LRP2: variants seen among roughly 807,000 people sequenced by gnomAD.
LRP2 encodes the protein low-density lipoprotein receptor-related protein 2.
In LRP2, 172 loss-of-function variants were observed where a neutral mutation model predicts 531.0. The ratio of observed to expected loss-of-function variants is 0.32; its 90% CI spans 0.29 to 0.37. The LOEUF (loss-of-function observed/expected upper bound fraction) is 0.37, where lower values mean the gene tolerates loss of function less well. Ranked by LOEUF, LRP2 falls within the 10% of genes least tolerant of loss-of-function variation. LRP2 has a pLI of 1.00. For synonymous variants in LRP2, 1,992 were observed against 2,027.6 expected (o/e 0.98, Z 0.47); for missense variants, 5,167 against 5,868.3 (o/e 0.88, Z 3.90).
intron 35 of LRP2, among the ~76,000 whole-genome samples, chr2:169,215,722 A>C (rs1463557306): frequency 1.4e-5 from 2 of 147,886 alleles, no homozygotes; most frequent in East Asian, 3.9e-4. Context: ...TATATTCTAT[A>C]TTCTATAATA....
chr2:169,312,475 T>C (rs1157214043), intron 3 of LRP2, among the ~76,000 whole-genome samples: 1 of 152,182 alleles, frequency 6.6e-6, no homozygotes, highest in Non-Finnish European at 1.5e-5. Context: ...TTAGTTTGGC[T>C]GGATATGAAA....
chr2:169,219,395 T>C (rs1688908034), intron 34 of LRP2, among the ~76,000 whole-genome samples: 1 of 152,210 alleles, frequency 6.6e-6, no homozygotes, highest in Non-Finnish European at 1.5e-5. Context: ...TGGTTTATAA[T>C]ATGGTATAGT....
In LRP2 at chr2:169,238,250, G is replaced by A; in HGVS notation, c.4347C>T (p.Asp1449=). The stretch of plus-strand genomic sequence containing the variant: ...TATTGTGGACCTGGGAGGTGACACT[G>A]TCGGCAATAATTTTGTTCTGACTTG... ...LVASQNKIIA[D]SVTSQVHNIY... The change falls in exon 27 of 79, where the codon GAC becomes GAT. Residue 1449 remains aspartate, a synonymous_variant. Transcript: ENST00000649046. The A allele has an allele frequency of 6.2e-7, 1 of 1,614,166 alleles. No individual in the cohort carries two copies. Among genetic ancestry groups the A allele is most frequent in the Non-Finnish European group, 8.5e-7 (1 of 1,180,006 alleles).
chr2:169,204,565 C>T (rs998955855), intron 41 of LRP2, among the ~76,000 whole-genome samples: 1 of 152,174 alleles, frequency 6.6e-6, no homozygotes, highest in Non-Finnish European at 1.5e-5. Context: ...ATGCATGGAA[C>T]TCAGTGTTAA....
rs753797852 is a variant in LRP2 at position 169,279,650 on chromosome 2, T to A, written c.1342-55A>T. 8 of 1,135,912 alleles carry A rather than the reference T, an allele frequency of 7.0e-6. No homozygotes were observed. In the Admixed American group the frequency reaches 9.4e-5, roughly 13 times the overall value. 70.4% of individuals were successfully genotyped at this position (1,135,912 alleles called of 1,614,324 possible). ...CTTCAGCATCACTAACTACGTGGTT[T>A]GTTTTGATTTTTTTTAGCTATAATC... is the stretch of plus-strand genomic sequence containing the variant. On this transcript the variant is annotated intron_variant, in intron 11 of 78. Coordinates refer to ENST00000649046, the MANE Select transcript of LRP2 (RefSeq NM_004525.3).
intron 8 of LRP2, 74 bp from the exon 9 acceptor site, chr2:169,289,219 T>C: frequency 6.3e-7 from 1 of 1,574,822 alleles, no homozygotes; most frequent in Non-Finnish European, 8.7e-7. Context: ...TAGCTTCTTT[T>C]TCCATGAGTA....
At chr2:169,292,856 A>C (rs1162524298) in intron 6 of LRP2, among the ~76,000 whole-genome samples, 3 of 134,434 alleles carry the variant, frequency 2.2e-5, no homozygotes, top group Non-Finnish European at 3.3e-5. Flanking sequence ...AAAAAAAAAA[A>C]AATTAAAAAC....
intron 58 of LRP2, among the ~76,000 whole-genome samples, chr2:169,171,699 A>G (rs1329655216): frequency 1.3e-5 from 2 of 152,040 alleles, no homozygotes; most frequent in African/African-American, 2.4e-5. Context: ...ATCTTATTAC[A>G]TTTTTCCTTT....
chr2:169,195,032 A>G (rs763380599), intron 46 of LRP2, among the ~76,000 whole-genome samples: 10 of 152,132 alleles, frequency 6.6e-5, no homozygotes, highest in Non-Finnish European at 1.5e-4. Context: ...TTGAAGAGAC[A>G]TATCTCCTTT....
chr2:169,360,128 C>CAAAAAAAAAAAAAAAAAAAAAAA (rs67818940), intron 1 of LRP2, among the ~76,000 whole-genome samples: 1 of 105,036 alleles, frequency 9.5e-6, no homozygotes, highest in African/African-American at 4.2e-5. Context: ...CTGTCTCTCT[C>CAAAAAAAAAAAAAAAAAAAAAAA]AAAAAAAAAA....
intron 62 of LRP2, among the ~76,000 whole-genome samples, chr2:169,163,271 T>A (rs186129815): frequency 6.6e-6 from 1 of 152,278 alleles, no homozygotes; most frequent in Admixed American, 6.5e-5. Flanking sequence ...TGTGCATTGA[T>A]TGCCATTCCT....
Position 169,187,959 on chromosome 2 carries a change from G to A in LRP2, c.9328+11C>T, listed in dbSNP as rs373136877. 1.9e-6 allele frequency: 3 copies of A among 1,613,802 alleles called. No individual in the cohort carries two copies. In the African/African-American group the frequency reaches 4.0e-5, roughly 22 times the overall value. On this transcript the variant is annotated intron_variant, in intron 49 of 78. Transcript: ENST00000649046. ...CCTGTTTCCTTTTCCCAAATCCTCT[G>A]TTGTACTCACCACAGCCTTTCTCAT... is the stretch of plus-strand genomic sequence containing the variant.
At chr2:169,326,011 G>A (rs1309097177) in intron 1 of LRP2, among the ~76,000 whole-genome samples, 2 of 151,682 alleles carry the variant, frequency 1.3e-5, no homozygotes, top group Non-Finnish European at 2.9e-5. Context: ...AATAAATAAG[G>A]ACCAAAAGAA....
At chr2:169,207,387 T>A (rs1367891731) in intron 38 of LRP2, 137 bp from the exon 39 acceptor site, 11 of 692,042 alleles carry the variant, frequency 1.6e-5, no homozygotes, top group Non-Finnish European at 2.6e-5. Context: ...GATGATAGTG[T>A]CCCAGTCTAG....
At chr2:169,156,986 C>A (rs1031243810) in intron 64 of LRP2, among the ~76,000 whole-genome samples, 1 of 152,138 alleles carries the variant, frequency 6.6e-6, no homozygotes, top group Non-Finnish European at 1.5e-5. Context: ...CTATGTCTGG[C>A]GTAAGTAGGT....
At chr2:169,259,305 CAGAGTT>C (rs1690441251) in intron 16 of LRP2, 88 bp from the exon 17 acceptor site, 3 of 719,010 alleles carry the variant, frequency 4.2e-6, no homozygotes, top group South Asian at 1.4e-5. Flanking sequence ...AATTTTGTGT[CAGAGTT>C]AGAGCATATT....
intron 2 of LRP2, among the ~76,000 whole-genome samples, chr2:169,320,003 C>T (rs953771429): frequency 2.6e-5 from 4 of 152,140 alleles, no homozygotes; most frequent in African/African-American, 9.7e-5. Context: ...TGAAAGATAA[C>T]CCTCATTAGT....
chr2:169,263,225 A>C (rs1236590686), intron 16 of LRP2, among the ~76,000 whole-genome samples: 2 of 152,194 alleles, frequency 1.3e-5, no homozygotes, highest in Non-Finnish European at 2.9e-5. Context: ...CAATGGCAAC[A>C]AAAGCCAAAA....
At chr2:169,266,933 G>C (rs1683212054) in intron 16 of LRP2, among the ~76,000 whole-genome samples, 1 of 136,936 alleles carries the variant, frequency 7.3e-6, no homozygotes, top group Non-Finnish European at 1.5e-5. Context: ...TGTTGCCCAA[G>C]CTGGAGTGCA....
Sources: allele counts gnomAD v4.1 joint callset (sites outside exome capture counted in the v4.1 genomes callset), GRCh38; gene constraint gnomAD v4.1.1; transcripts MANE v1.5; gene names NCBI Gene and HGNC (gene_info 2026-07-23, HGNC 2026-07-21).